The following CAPN13 variants were observed in gnomAD, a reference collection of about 807,000 sequenced individuals.
The protein encoded by CAPN13 is calpain 13, also known as calpain-13.
A neutral mutation model predicts 98.4 loss-of-function variants in CAPN13; 90 were observed. The observed-to-expected ratio is 0.92, with a 90% CI of 0.77 to 1.09. The LOEUF is 1.09. Among genes scored for constraint, CAPN13 ranks in the 50% least tolerant of loss-of-function variants. CAPN13 has a pLI of 0.00. For synonymous variants in CAPN13, 330 were observed against 305.5 expected, an observed-to-expected ratio of 1.08 and a Z score of -0.84; for missense variants, 887 against 841.3, an observed-to-expected ratio of 1.05 and a Z score of -0.67.
At chr2:30,772,456 A>G (rs1273936781) in intron 4 of CAPN13, among the ~76,000 whole-genome samples, 1 of 152,182 alleles carries the variant, frequency 6.6e-6, no homozygotes, top group African/African-American at 2.4e-5. Context: ...TCACCACCCA[A>G]AAGGGCAAAG....
rs964283646 is a variant in CAPN13, at chr2:30,743,910, CTG to C, written c.1249-333_1249-332del. 2.3e-4 allele frequency among the ~76,000 whole-genome samples: 35 copies of C among 152,300 alleles called. 1 individual carries two copies. The highest frequency in any genetic ancestry group is 2.3e-3 in the Admixed American group (35 of 15,300). The stretch of plus-strand genomic sequence containing the variant: ...GGAAACTAGTGACATCATTTTGACA[CTG>C]ATTTTCTTCTGGGGCCCCTAAAGCC... On this transcript the variant is annotated intron_variant, in intron 12 of 22. Transcript: ENST00000295055.
intron 15 of CAPN13, among the ~76,000 whole-genome samples, chr2:30,738,881 G>C (rs1558613931): frequency 1.3e-5 from 2 of 151,336 alleles, no homozygotes; most frequent in African/African-American, 2.5e-5. Context: ...TGTGTGTTGT[G>C]TGTATGTGTG....
chr2:30,805,912 A>C (rs920792072), intron 1 of CAPN13, among the ~76,000 whole-genome samples: 1 of 151,722 alleles, frequency 6.6e-6, no homozygotes, highest in African/African-American at 2.4e-5. Context: ...GTGCACCACC[A>C]CATGTAGCTA....
At chr2:30,783,790 T>C (rs1558336839) in intron 2 of CAPN13, among the ~76,000 whole-genome samples, 1 of 152,156 alleles carries the variant, frequency 6.6e-6, no homozygotes, top group Non-Finnish European at 1.5e-5. Context: ...ACCTCAGCCA[T>C]TATATAGTTG....
At chr2:30,730,958 C>T (rs1336389198) in intron 21 of CAPN13, among the ~76,000 whole-genome samples, 172 bp from the exon 22 acceptor site, 1 of 152,160 alleles carries the variant, frequency 6.6e-6, no homozygotes, top group African/African-American at 2.4e-5. Context: ...AGCACATCTT[C>T]TGCTACTCCC....
At chr2:30,766,943 G>T (rs934447208) in intron 5 of CAPN13, among the ~76,000 whole-genome samples, 2 of 152,324 alleles carry the variant, frequency 1.3e-5, no homozygotes, top group South Asian at 4.1e-4. Context: ...TGCACCCTTG[G>T]AGGGAAGAGG....
chr2:30,782,173 A>AT (rs2148062593), intron 2 of CAPN13, among the ~76,000 whole-genome samples: 1 of 152,278 alleles, frequency 6.6e-6, no homozygotes, highest in Non-Finnish European at 1.5e-5. Context: ...TAGACGGAGA[A>AT]ATATGCCAAG....
At chr2:30,737,885 C>T (rs1476856950) in intron 17 of CAPN13, 2 of 304,480 alleles carry the variant, frequency 6.6e-6, no homozygotes, top group South Asian at 7.7e-5. Context: ...AATTACTTAA[C>T]CTCTCTGAAC....
chr2:30,781,554 A>G (rs1673984059), intron 2 of CAPN13, among the ~76,000 whole-genome samples: 2 of 152,200 alleles, frequency 1.3e-5, no homozygotes, highest in South Asian at 4.1e-4. Context: ...GGGCCTAAAC[A>G]GAAAAAAAGA....
At chr2:30,805,181 GAAC>G (rs963847160) in intron 1 of CAPN13, among the ~76,000 whole-genome samples, 13 of 152,166 alleles carry the variant, frequency 8.5e-5, no homozygotes, top group Non-Finnish European at 1.9e-4. Flanking sequence ...GGCAAGCTTT[GAAC>G]AATAAGAGAG....
At chr2:30,780,265 T>G (rs1261024816) in intron 2 of CAPN13, among the ~76,000 whole-genome samples, 1 of 152,180 alleles carries the variant, frequency 6.6e-6, no homozygotes, top group Non-Finnish European at 1.5e-5. Context: ...AAAATAAAAA[T>G]TAAAAAAGAA....
chr2:30,731,261 C>T (rs1671075554), intron 21 of CAPN13, 83 bp downstream of exon 21: 14 of 1,282,828 alleles, frequency 1.1e-5, no homozygotes, highest in Non-Finnish European at 1.1e-6. Context: ...TCAATATCCT[C>T]AGGGAGAAAA....
Position 30,777,557 on chromosome 2 carries a change from G to A in CAPN13, c.271+10C>T. On this transcript the variant is annotated intron_variant, in intron 3 of 22. Coordinates refer to ENST00000295055, the MANE Select transcript of CAPN13 (RefSeq NM_144575.3). The stretch of plus-strand genomic sequence containing the variant: ...ATCCAGGGCACGGAGGGAAGATGTT[G>A]CACTCTTACCTGCGCCTCCTTGTTG... The A allele has an allele frequency of 6.4e-7, 1 of 1,566,176 alleles. No individual in the cohort carries two copies. The highest frequency in any genetic ancestry group is 8.7e-7 in the Non-Finnish European group (1 of 1,153,382).
chr2:30,731,902 G>A (rs1469050350), intron 20 of CAPN13, among the ~76,000 whole-genome samples: 2 of 152,180 alleles, frequency 1.3e-5, no homozygotes, highest in Admixed American at 6.5e-5. Context: ...TATGAGTGGG[G>A]AGGGGTCTGG....
At chr2:30,753,462 T>C (rs1475099021) in intron 9 of CAPN13, among the ~76,000 whole-genome samples, 1 of 152,228 alleles carries the variant, frequency 6.6e-6, no homozygotes, top group Non-Finnish European at 1.5e-5. Context: ...AACCCATTGA[T>C]CCGATGGTGA....
At chr2:30,762,939 T>C in intron 7 of CAPN13, 143 bp downstream of exon 7, 1 of 591,978 alleles carries the variant, frequency 1.7e-6, no homozygotes, top group Non-Finnish European at 2.9e-6. Flanking sequence ...CTGTCCATGG[T>C]GCATGTCACC....
At position 30,736,578 on chromosome 2, in the gene CAPN13, A is replaced by G. The variant is rs779965594; in HGVS notation, c.1654-7T>C. 1 of 1,613,934 alleles carries G rather than the reference A, an allele frequency of 6.2e-7. No homozygotes were observed. Among genetic ancestry groups the G allele is most frequent in the Admixed American group, 1.7e-5 (1 of 60,026 alleles). On this transcript the variant is annotated splice_region_variant and splice_polypyrimidine_tract_variant and intron_variant, in intron 17 of 22. Coordinates refer to ENST00000295055, the MANE Select transcript of CAPN13 (RefSeq NM_144575.3). ...GCCGCCCATTCACTTTCAGCTGGGT[A>G]AGGAGTTAAGAGTGAACCAGCCAGC...
At chr2:30,771,258 G>T (rs1673395337) in intron 4 of CAPN13, among the ~76,000 whole-genome samples, 1 of 152,238 alleles carries the variant, frequency 6.6e-6, no homozygotes, top group Admixed American at 6.5e-5. Flanking sequence ...TGTACGAGAA[G>T]CAGCAGGGCT....
intron 3 of CAPN13, among the ~76,000 whole-genome samples, chr2:30,776,295 G>A (rs552418638): frequency 5.9e-5 from 9 of 152,186 alleles, no homozygotes; most frequent in African/African-American, 1.2e-4. Flanking sequence ...GCAGTGACGC[G>A]CTCTGGGCTC....
Sources: gnomAD v4.1 joint callset for allele counts (sites outside exome capture counted in the v4.1 genomes callset) on GRCh38, gnomAD v4.1.1 for gene constraint, MANE v1.5 for transcripts, NCBI Gene and HGNC (gene_info 2026-07-23, HGNC 2026-07-21) for gene names.